Variants in CCDC57 observed in about 807,000 individuals in gnomAD.
CCDC57 encodes the protein coiled-coil domain-containing protein 57.
Under a neutral mutation model 118.9 loss-of-function variants are expected in CCDC57, and 118 were observed. The observed-to-expected ratio is 0.99, with a 90% CI of 0.86 to 1.16. CCDC57 has a LOEUF of 1.16. CCDC57 is among the 50% of genes most tolerant of loss of function. The pLI, the probability that CCDC57 is intolerant of heterozygous loss-of-function variation, is 0.00. For synonymous variants in CCDC57, 527 were observed against 532.9 expected (o/e 0.99, Z 0.15); for missense variants, 1,300 against 1,320.7 (o/e 0.98, Z 0.24).
At chr17:82,113,786 A>G (rs1196979059) in intron 19 of CCDC57, 1 of 641,300 alleles carries the variant, frequency 1.6e-6, no homozygotes, top group Non-Finnish European at 2.8e-6. Context: ...ATAAAATAAC[A>G]TGTAAAAAGA....
At chr17:82,119,083 G>T (rs1265564760) in intron 19 of CCDC57, among the ~76,000 whole-genome samples, 2 of 122,390 alleles carry the variant, frequency 1.6e-5, no homozygotes, top group Non-Finnish European at 3.4e-5. Context: ...CACTGAGCGG[G>T]CGGGAGGTGG....
At chr17:82,195,965 G>A (rs750911482) in intron 4 of CCDC57, among the ~76,000 whole-genome samples, 1 of 152,172 alleles carries the variant, frequency 6.6e-6, no homozygotes, top group Non-Finnish European at 1.5e-5. Context: ...ATCTGAACAT[G>A]ATAAAAAATC....
chr17:82,111,744 T>C (rs2035269403), intron 19 of CCDC57, among the ~76,000 whole-genome samples: 1 of 150,752 alleles, frequency 6.6e-6, no homozygotes, highest in African/African-American at 2.4e-5. Context: ...GTAGTTGAAA[T>C]TACAGGCACC....
In CCDC57 at chr17:82,157,949, C is replaced by G. The variant is rs1157712477; in HGVS notation, c.2041-1G>C. On this transcript the variant is annotated splice_acceptor_variant, in intron 14 of 19. Transcript: ENST00000665763. LOFTEE classifies it high-confidence loss of function. Reference sequence around the variant, plus strand: ...CCGGCTCCAGGGGTTCCCGCAGCACCTAGGGGTCATTTCAAAGGCAGTGTG... The same window carrying G: ...CCGGCTCCAGGGGTTCCCGCAGCACGTAGGGGTCATTTCAAAGGCAGTGTG... 8 of 1,552,234 alleles carry G rather than the reference C, an allele frequency of 5.2e-6. No individual in the cohort carries two copies. In the South Asian group the frequency reaches 9.5e-5, roughly 18 times the overall value.
chr17:82,143,673 C>T (rs562277130), intron 16 of CCDC57, among the ~76,000 whole-genome samples: 1 of 152,240 alleles, frequency 6.6e-6, no homozygotes, highest in South Asian at 2.1e-4. Context: ...AACCAGCCAA[C>T]CAACCTAAAA....
chr17:82,124,164 T>C (rs983870776), intron 19 of CCDC57, among the ~76,000 whole-genome samples: 3 of 152,116 alleles, frequency 2.0e-5, no homozygotes, highest in African/African-American at 7.2e-5. Context: ...GCAGAGGGCA[T>C]TTCTCTAAGG....
At chr17:82,183,281 TC>T (rs1370022414) in intron 9 of CCDC57, among the ~76,000 whole-genome samples, 2 of 152,280 alleles carry the variant, frequency 1.3e-5, no homozygotes, top group Admixed American at 1.3e-4. Context: ...AAGGAAGTGT[TC>T]GCCCCAACGG....
At chr17:82,201,090 T>G (rs8065037) in intron 3 of CCDC57, among the ~76,000 whole-genome samples, 73,964 of 152,068 alleles carry the variant, frequency 0.49, 18,783 homozygotes, top group East Asian at 0.88. Flanking sequence ...AGGCATGTGG[T>G]TGAGTTCCAG....
intron 14 of CCDC57, among the ~76,000 whole-genome samples, chr17:82,159,189 A>G (rs1036057239): frequency 6.8e-6 from 1 of 146,940 alleles, no homozygotes; most frequent in Non-Finnish European, 1.5e-5. Context: ...TGTAGGGACA[A>G]GGTCTCCCTA....
chr17:82,171,587 G>A (rs4789733), intron 13 of CCDC57, 114 bp downstream of exon 12: 34,259 of 1,160,342 alleles, frequency 0.03, 678 homozygotes, highest in South Asian at 0.073. Flanking sequence ...GGATGACGCC[G>A]CCCCAACGTC....
At chr17:82,148,812 T>G (rs1418336157) in intron 16 of CCDC57, among the ~76,000 whole-genome samples, 4 of 21,918 alleles carry the variant, frequency 1.8e-4, no homozygotes, top group Admixed American at 1.8e-3. Context: ...GATGGATGGG[T>G]GGGTGGGTGG....
intron 15 of CCDC57, 140 bp downstream of exon 14, chr17:82,157,608 C>G: frequency 1.4e-6 from 2 of 1,442,620 alleles, no homozygotes; most frequent in Non-Finnish European, 9.1e-7. Flanking sequence ...GGGCCCACTT[C>G]CAGGCACGGC....
At chr17:82,110,482 A>G (rs901238599) in intron 19 of CCDC57, among the ~76,000 whole-genome samples, 3 of 152,176 alleles carry the variant, frequency 2.0e-5, no homozygotes, top group Non-Finnish European at 4.4e-5. Flanking sequence ...TCATTCATCA[A>G]CGGGGACTGG....
intron 1 of CCDC57, among the ~76,000 whole-genome samples, chr17:82,209,084 GT>G (rs1020464159): frequency 6.6e-6 from 1 of 151,782 alleles, no homozygotes; most frequent in African/African-American, 2.4e-5. Flanking sequence ...GTGACCCCGT[GT>G]TTTTTTTCAC....
At chr17:82,179,058 A>G in exon 10 of CCDC57, 1 of 1,613,892 alleles carries the variant, frequency 6.2e-7, no homozygotes, top group Non-Finnish European at 8.5e-7. Context: ...ACCCTGAATC[A>G]GGGCCTCTGA....
intron 15 of CCDC57, among the ~76,000 whole-genome samples, chr17:82,153,160 G>T (rs1353545604): frequency 6.6e-6 from 1 of 152,142 alleles, no homozygotes; most frequent in East Asian, 1.9e-4. Flanking sequence ...TCTTGGGTGT[G>T]GGAGAGGCCA....
chr17:82,102,933 C>T (rs925381280), intron 19 of CCDC57, among the ~76,000 whole-genome samples: 3 of 151,980 alleles, frequency 2.0e-5, no homozygotes, highest in African/African-American at 4.8e-5. Flanking sequence ...GTGAGCTCAG[C>T]GTCCACTGCG....
At chr17:82,167,823 C>T (rs1001108277) in intron 13 of CCDC57, among the ~76,000 whole-genome samples, 1 of 152,176 alleles carries the variant, frequency 6.6e-6, no homozygotes, top group East Asian at 1.9e-4. Context: ...GCCATGTTGG[C>T]CAGGCTGGCC....
intron 16 of CCDC57, among the ~76,000 whole-genome samples, chr17:82,138,724 G>T (rs2039630684): frequency 1.1e-5 from 1 of 92,844 alleles, no homozygotes; most frequent in East Asian, 2.2e-4. Context: ...CCCGGGCTGT[G>T]TGTGTCAGGT....
Sources: allele counts gnomAD v4.1 joint callset (sites outside exome capture counted in the v4.1 genomes callset), GRCh38; gene constraint gnomAD v4.1.1; transcripts MANE v1.5; gene names NCBI Gene and HGNC (gene_info 2026-07-23, HGNC 2026-07-21).